The following TMEM47 variants were observed in gnomAD, a reference collection of about 807,000 sequenced individuals.
TMEM47 encodes brain cell membrane protein 1.
A neutral mutation model predicts 12.4 loss-of-function variants in TMEM47; 3 were observed. The observed-to-expected ratio is 0.24, with a 90% confidence interval of 0.11 to 0.63. The LOEUF is 0.63. Among genes scored for constraint, TMEM47 ranks in the 20% least tolerant of loss-of-function variants. TMEM47 has a pLI of 0.86. For missense variants in TMEM47, 89 were observed against 143.8 expected, an observed-to-expected ratio of 0.62 and a Z score of 1.95; for synonymous variants, 62 against 63.3, an observed-to-expected ratio of 0.98 and a Z score of 0.10.
intron 2 of TMEM47, among the ~76,000 whole-genome samples, chrX:34,634,741 A>G (rs2147137595): frequency 8.9e-6 from 1 of 112,357 alleles, no homozygotes; most frequent in African/African-American, 3.2e-5. Flanking sequence ...TAAAGGATGG[A>G]TGAAAGGTGG....
At chrX:34,640,230 T>G (rs1921792076) in intron 1 of TMEM47, among the ~76,000 whole-genome samples, 1 of 111,952 alleles carries the variant, frequency 8.9e-6, no homozygotes, top group African/African-American at 3.3e-5. Context: ...GAATGGACTC[T>G]GAATGGCTGC....
intron 2 of TMEM47, among the ~76,000 whole-genome samples, chrX:34,631,302 CTG>C (rs1445441086): frequency 1.8e-5 from 2 of 108,474 alleles, no homozygotes; most frequent in East Asian, 5.8e-4. Flanking sequence ...ACTGGTCATC[CTG>C]TGAGTGATAA....
At position 34,628,549 on chromosome X, in the gene TMEM47, G is replaced by T. The variant is rs1161748195; in HGVS notation, c.*1764C>A. On this transcript the variant is annotated 3_prime_UTR_variant, in exon 3 of 3. Transcript: ENST00000275954. ...TTCTAGCATTTGGATAATAAAATAG[G>T]TTTTTTTTTTTTGGCTGTTGTTTTT... 2 of 101,984 alleles carry T rather than the reference G, an allele frequency of 2.0e-5. No homozygotes were observed. The highest frequency in any genetic ancestry group is 4.2e-4 in the South Asian group (1 of 2,355). 8.4% of individuals were successfully genotyped at this position (101,984 alleles called of 1,213,427 possible).
intron 2 of TMEM47, among the ~76,000 whole-genome samples, chrX:34,630,860 G>A (rs1034756597): frequency 2.7e-5 from 3 of 109,804 alleles, no homozygotes; most frequent in Admixed American, 9.8e-5. Flanking sequence ...CTAATAAACC[G>A]TATAAGTAGC....
intron 1 of TMEM47, among the ~76,000 whole-genome samples, chrX:34,642,403 A>G (rs2147139794): frequency 8.9e-6 from 1 of 112,473 alleles, no homozygotes; most frequent in South Asian, 3.7e-4. Context: ...GCATATTGCT[A>G]CATTTCCTCA....
rs1921521497 is a variant in TMEM47 at position 34,627,075 on chromosome X, T to A, written c.*3238A>T. 8.9e-6 allele frequency: 1 copy of A among 111,828 alleles called. No homozygotes were observed. Among genetic ancestry groups the A allele is most frequent in the African/African-American group, 3.3e-5 (1 of 30,738 alleles). The allele number at this position is 111,828 out of a possible 1,213,427, so 9.2% of individuals were successfully genotyped here. A position where few individuals can be genotyped will look rare whatever the true frequency, so the allele number is the denominator to read the frequency against. On this transcript the variant is annotated 3_prime_UTR_variant, in exon 3 of 3. Coordinates refer to ENST00000275954, the MANE Select transcript of TMEM47 (RefSeq NM_031442.4). ...AGAGACGACACAAATTCAAACCACA[T>A]CCGTGAAATCACTTTTATTTTTATT...
intron 1 of TMEM47, among the ~76,000 whole-genome samples, chrX:34,646,680 A>G (rs1921916438): frequency 8.9e-6 from 1 of 111,775 alleles, no homozygotes; most frequent in Non-Finnish European, 1.9e-5. Flanking sequence ...CTCCAGGATT[A>G]GGAGTGGGTG....
At position 34,657,038 on chromosome X, in the gene TMEM47, G is replaced by T. The variant is rs1234503354; in HGVS notation, c.-9C>A. The stretch of plus-strand genomic sequence containing the variant: ...CTGCCCGCCGAAGCCATTCCTGGGC[G>T]CCGCTGTCGTCCGCCCCGCCGCAGG... On this transcript the variant is annotated 5_prime_UTR_variant, in exon 1 of 3. Coordinates refer to ENST00000275954, the MANE Select transcript of TMEM47 (RefSeq NM_031442.4). 1 of 1,134,864 alleles carries T rather than the reference G, an allele frequency of 8.8e-7. No individual in the cohort carries two copies. The highest frequency in any genetic ancestry group is 1.8e-5 in the African/African-American group (1 of 54,940). The allele number at this position is 1,134,864 out of a possible 1,213,427, so 93.5% of individuals were successfully genotyped here.
chrX:34,650,668 T>C (rs1922002597), intron 1 of TMEM47, among the ~76,000 whole-genome samples: 1 of 112,405 alleles, frequency 8.9e-6, no homozygotes, highest in Admixed American at 9.4e-5. Context: ...TATCATCAGA[T>C]GCATTCATAA....
intron 2 of TMEM47, among the ~76,000 whole-genome samples, chrX:34,634,392 C>T (rs1401463153): frequency 4.5e-5 from 5 of 112,130 alleles, no homozygotes; most frequent in Non-Finnish European, 9.4e-5. Context: ...GTTTTCAACA[C>T]TAAAATATTC....
intron 1 of TMEM47, among the ~76,000 whole-genome samples, chrX:34,647,331 C>T (rs1474002029): frequency 9.0e-6 from 1 of 111,106 alleles, no homozygotes; most frequent in East Asian, 2.8e-4. Context: ...TCAGGGGTCT[C>T]GACTTCTATT....
chrX:34,652,179 T>C (rs1483785151), intron 1 of TMEM47, among the ~76,000 whole-genome samples: 2 of 112,452 alleles, frequency 1.8e-5, no homozygotes, highest in Admixed American at 9.4e-5. Context: ...CAATTTAGCA[T>C]AGCTCACATG....
intron 2 of TMEM47, among the ~76,000 whole-genome samples, chrX:34,634,839 GC>G (rs1921686816): frequency 8.9e-6 from 1 of 112,136 alleles, no homozygotes; most frequent in African/African-American, 3.2e-5. Context: ...ATGACTAGAA[GC>G]AATTTGCATG....
intron 2 of TMEM47, among the ~76,000 whole-genome samples, chrX:34,630,770 C>T (rs1488466184): frequency 5.5e-5 from 6 of 109,994 alleles, no homozygotes. Flanking sequence ...TATGAGCATA[C>T]AAAGTAGTGA....
At chrX:34,634,034 C>T (rs1340840411) in intron 2 of TMEM47, among the ~76,000 whole-genome samples, 3 of 110,769 alleles carry the variant, frequency 2.7e-5, no homozygotes, top group African/African-American at 9.9e-5. Flanking sequence ...GGTAAAAATG[C>T]CTCCTTGCCT....
intron 1 of TMEM47, among the ~76,000 whole-genome samples, chrX:34,650,004 C>T (rs752121519): frequency 1.8e-5 from 2 of 111,980 alleles, no homozygotes; most frequent in South Asian, 3.7e-4. Flanking sequence ...AGATTACAGG[C>T]GTGAGCCACC....
In TMEM47 at chrX:34,657,242, C is replaced by G; in HGVS notation, c.-213G>C. On this transcript the variant is annotated 5_prime_UTR_variant, in exon 1 of 3. Coordinates refer to ENST00000275954, the MANE Select transcript of TMEM47 (RefSeq NM_031442.4). Reference sequence around the variant, plus strand: ...GGGTCGTCGGCAGCCGCAGCGACGTCGATTCCACCCCGGACCTTCGCCGCC... The same window carrying G: ...GGGTCGTCGGCAGCCGCAGCGACGTGGATTCCACCCCGGACCTTCGCCGCC... 1 of 455,723 alleles carries G rather than the reference C, an allele frequency of 2.2e-6. No homozygotes were observed. Among genetic ancestry groups the G allele is most frequent in the Non-Finnish European group, 3.0e-6 (1 of 327,934 alleles). The allele number at this position is 455,723 out of a possible 1,213,427, so 37.6% of individuals were successfully genotyped here.
Position 34,657,117 on chromosome X carries a change from A to G in TMEM47, c.-88T>C. The G allele has an allele frequency of 3.8e-6, 4 of 1,051,013 alleles. No individual in the cohort carries two copies. The highest frequency in any genetic ancestry group is 4.9e-6 in the Non-Finnish European group (4 of 822,154). The allele number at this position is 1,051,013 out of a possible 1,213,427, so 86.6% of individuals were successfully genotyped here. On this transcript the variant is annotated 5_prime_UTR_variant, in exon 1 of 3. Coordinates refer to ENST00000275954, the MANE Select transcript of TMEM47 (RefSeq NM_031442.4). ...GGGAGCCGGACCTCCCGAAGGGAGA[A>G]GCCGCCGAGCTGCCACGCGCGGGGA... is the stretch of plus-strand genomic sequence containing the variant.
At chrX:34,631,170 C>CAAAAAAAAA (rs34845525) in intron 2 of TMEM47, among the ~76,000 whole-genome samples, 6 of 18,565 alleles carry the variant, frequency 3.2e-4, no homozygotes, top group African/African-American at 1.9e-3. Flanking sequence ...GACTCTGTCT[C>CAAAAAAAAA]AAAAAAAAAA....
Sources: gnomAD v4.1 joint callset for allele counts (sites outside exome capture counted in the v4.1 genomes callset) on GRCh38, gnomAD v4.1.1 for gene constraint, MANE v1.5 for transcripts, NCBI Gene and HGNC (gene_info 2026-07-23, HGNC 2026-07-21) for gene names.